The following OLFML2B variants were observed in gnomAD, a reference collection of about 807,000 sequenced individuals.
The protein encoded by OLFML2B is olfactomedin-like protein 2B.
Under a neutral mutation model 74.9 loss-of-function variants are expected in OLFML2B, and 57 were observed. The observed-to-expected ratio is 0.76, with a 90% CI of 0.61 to 0.95. OLFML2B has a LOEUF of 0.95. Among genes scored for constraint, OLFML2B ranks in the 40% least tolerant of loss-of-function variants. OLFML2B has a pLI of 0.00. For missense variants in OLFML2B, 986 were observed against 970.6 expected, an observed-to-expected ratio of 1.02 and a Z score of -0.21; for synonymous variants, 388 against 405.8, an observed-to-expected ratio of 0.96 and a Z score of 0.53.
At chr1:162,022,891 G>C (rs1246238806) in intron 1 of OLFML2B, among the ~76,000 whole-genome samples, 1 of 152,096 alleles carries the variant, frequency 6.6e-6, no homozygotes, top group African/African-American at 2.4e-5. Context: ...TCTGCCTCCT[G>C]GTCAACATAT....
intron 1 of OLFML2B, among the ~76,000 whole-genome samples, chr1:162,022,609 A>G (rs1346295580): frequency 6.6e-6 from 1 of 152,140 alleles, no homozygotes; most frequent in East Asian, 1.9e-4. Flanking sequence ...TTGAAGATTG[A>G]GTCAGAAAAA....
chr1:161,983,571 ATATTTT>A lies in OLFML2B; in HGVS notation c.*98_*103del. ...TTTGCAATATTATACAAAATAATAT[ATATTTT>A]TAAACAACACATACCCACCTACACA... On this transcript the variant is annotated 3_prime_UTR_variant, in exon 8 of 8. Transcript: ENST00000294794. The A allele has an allele frequency of 8.1e-7, 1 of 1,233,340 alleles. No homozygotes were observed. The highest frequency in any genetic ancestry group is 2.5e-5 in the East Asian group (1 of 40,194). 76.4% of individuals were successfully genotyped at this position (1,233,340 alleles called of 1,614,324 possible).
Position 162,000,126 on chromosome 1 carries a change from G to T in OLFML2B, c.936C>A (p.Asp312Glu), listed in dbSNP as rs1690040044. 7.5e-6 allele frequency: 12 copies of T among 1,598,728 alleles called. No individual in the cohort carries two copies. Among genetic ancestry groups the T allele is most frequent in the East Asian group, 2.2e-5 (1 of 44,568 alleles). Reference protein sequence around the residue: ...YKAKVSEEENDIEEQQDEFFS... With the variant: ...YKAKVSEEENEIEEQQDEFFS... ...ACCCCAACTCACGCTGCTCTTCAAT[G>T]TCATTCTCTTCTTCAGAGACCTTGG... The change falls in exon 5 of 8, where the codon GAC becomes GAA. Residue 312 changes from aspartate to glutamate, a missense_variant. Physicochemically the swap from Asp to Glu is conservative, Grantham distance 45. Transcript: ENST00000294794.
chr1:161,984,453 T>A (rs1231477785), intron 7 of OLFML2B, among the ~76,000 whole-genome samples, 177 bp from the exon 8 acceptor site: 1 of 152,236 alleles, frequency 6.6e-6, no homozygotes, highest in Non-Finnish European at 1.5e-5. Flanking sequence ...TCAGTGTCCT[T>A]ATCTGTCATA....
chr1:162,006,239 T>C (rs940422550), intron 4 of OLFML2B, 58 bp downstream of exon 4: 49 of 1,468,884 alleles, frequency 3.3e-5, no homozygotes, highest in Admixed American at 2.0e-4. Flanking sequence ...AGAGGAGAGA[T>C]GCTGATATCA....
At chr1:161,994,469 T>C (rs773509632) in intron 6 of OLFML2B, among the ~76,000 whole-genome samples, 69 of 152,232 alleles carry the variant, frequency 4.5e-4, no homozygotes, top group Non-Finnish European at 8.7e-4. Flanking sequence ...CTGACTGTCC[T>C]CTTTGTCTGC....
At chr1:162,000,844 T>C (rs1376586012) in intron 4 of OLFML2B, among the ~76,000 whole-genome samples, 1 of 152,142 alleles carries the variant, frequency 6.6e-6, no homozygotes, top group Non-Finnish European at 1.5e-5. Flanking sequence ...GGATGAAGCT[T>C]GTTACAGCAA....
At chr1:162,014,556 G>C (rs1690478996) in intron 3 of OLFML2B, among the ~76,000 whole-genome samples, 1 of 152,166 alleles carries the variant, frequency 6.6e-6, no homozygotes, top group Non-Finnish European at 1.5e-5. Flanking sequence ...AATATTCAAG[G>C]ACCAGGAGCA....
intron 6 of OLFML2B, 60 bp from the exon 7 acceptor site, chr1:161,985,040 A>C: frequency 1.0e-5 from 15 of 1,431,432 alleles, no homozygotes; most frequent in South Asian, 6.0e-5. Context: ...CACCCCTTAA[A>C]CCTTTGCTGT....
intron 4 of OLFML2B, among the ~76,000 whole-genome samples, chr1:162,002,849 C>T (rs1005371457): frequency 6.6e-6 from 1 of 152,242 alleles, no homozygotes; most frequent in Non-Finnish European, 1.5e-5. Context: ...GATGTAACCT[C>T]CACCTGAGCT....
intron 1 of OLFML2B, among the ~76,000 whole-genome samples, chr1:162,022,019 A>C (rs541324936): frequency 6.6e-6 from 1 of 152,208 alleles, no homozygotes; most frequent in Admixed American, 6.5e-5. Context: ...TACAGGAAGG[A>C]GACAAGGCCC....
chr1:161,994,962 A>G (rs1167514610), intron 6 of OLFML2B, among the ~76,000 whole-genome samples: 1 of 152,228 alleles, frequency 6.6e-6, no homozygotes, highest in Non-Finnish European at 1.5e-5. Flanking sequence ...CAAACAGCAA[A>G]CAAGCTTTCC....
rs140844666 is a variant in OLFML2B, at chr1:161,983,575, T to A, written c.*100A>T. 1.4e-3 allele frequency: 1,869 copies of A among 1,304,648 alleles called. 12 individuals carry two copies. Among genetic ancestry groups the A allele is most frequent in the Middle Eastern group, 0.013 (50 of 3,956 alleles). 80.8% of individuals were successfully genotyped at this position (1,304,648 alleles called of 1,614,324 possible). A position where few individuals can be genotyped will look rare whatever the true frequency, so the allele number is the denominator to read the frequency against. ...CAATATTATACAAAATAATATATATTTTTAAACAACACATACCCACCTACA... is the reference window on the plus strand; with the variant it reads ...CAATATTATACAAAATAATATATATATTTAAACAACACATACCCACCTACA... On this transcript the variant is annotated 3_prime_UTR_variant, in exon 8 of 8. Coordinates refer to ENST00000294794, the MANE Select transcript of OLFML2B (RefSeq NM_015441.3).
intron 3 of OLFML2B, among the ~76,000 whole-genome samples, chr1:162,015,617 C>T (rs913992508): frequency 1.3e-5 from 2 of 152,154 alleles, no homozygotes; most frequent in South Asian, 2.1e-4. Context: ...GAGGCACTTC[C>T]CAATATTGGA....
At chr1:162,019,849 T>C in intron 2 of OLFML2B, 70 bp downstream of exon 2, 3 of 1,559,878 alleles carry the variant, frequency 1.9e-6, no homozygotes, top group Non-Finnish European at 2.6e-6. Context: ...TCTTCAACCA[T>C]GGCCTTACCA....
intron 3 of OLFML2B, among the ~76,000 whole-genome samples, chr1:162,010,513 C>G (rs16838508): frequency 0.081 from 12,283 of 152,182 alleles, 740 homozygotes; most frequent in East Asian, 0.26. Flanking sequence ...GGTGTTTTGA[C>G]AAGCCATGTA....
In OLFML2B at chr1:162,017,448, T is replaced by C. The variant is rs900029811; in HGVS notation, c.498A>G (p.Leu166=). ...GAFYGLDLLK[L]HSVTTKLVGR... Reference sequence around the variant, plus strand: ...CCACCAGTTTGGTGGTGACTGAATGTAGCTTCAGGAGATCCAGGCCATAGA... The same window carrying C: ...CCACCAGTTTGGTGGTGACTGAATGCAGCTTCAGGAGATCCAGGCCATAGA... The change falls in exon 3 of 8, where the codon CTA becomes CTG. Residue 166 remains leucine (L), a synonymous_variant. Coordinates refer to ENST00000294794, the MANE Select transcript of OLFML2B (RefSeq NM_015441.3). 8.1e-6 allele frequency: 13 copies of C among 1,613,624 alleles called. No homozygotes were observed. The African/African-American group carries it at 9.3e-5, about 12-fold the overall frequency.
At chr1:162,001,777 T>A (rs911581311) in intron 4 of OLFML2B, among the ~76,000 whole-genome samples, 23 of 152,222 alleles carry the variant, frequency 1.5e-4, no homozygotes, top group Admixed American at 5.9e-4. Flanking sequence ...TTCTTGTTCA[T>A]CTTTGATTCC....
Position 161,984,958 on chromosome 1 carries a change from GGAGA to G in OLFML2B, c.1493_1496del (p.Leu498ProfsTer20), listed in dbSNP as rs769230481. ...TCTGGGTGGTCGGCCCCGTGATTGT[GGAGA>G]GAGTGTCCTTGCACCTTCCTGGTGG... is the stretch of plus-strand genomic sequence containing the variant. On this transcript the variant is annotated frameshift_variant, in exon 7 of 8. Coordinates refer to ENST00000294794, the MANE Select transcript of OLFML2B (RefSeq NM_015441.3). LOFTEE classifies it high-confidence loss of function. The G allele has an allele frequency of 1.2e-6, 2 of 1,610,276 alleles. No homozygotes were observed. The highest frequency in any genetic ancestry group is 1.4e-5 in the African/African-American group (1 of 73,830).
Sources: gnomAD v4.1 joint callset for allele counts (sites outside exome capture counted in the v4.1 genomes callset) on GRCh38, gnomAD v4.1.1 for gene constraint, MANE v1.5 for transcripts, NCBI Gene and HGNC (gene_info 2026-07-23, HGNC 2026-07-21) for gene names.